The following SPMIP6 variants were observed in gnomAD, a reference collection of about 807,000 sequenced individuals.
The protein encoded by SPMIP6 is ciliated bronchial epithelial protein 1.
At chr9:34,397,628 G>A in the SPMIP6 span, 1 of 1,602,812 alleles carries the variant, frequency 6.2e-7, no homozygotes, top group African/African-American at 1.3e-5. Flanking sequence ...GGGAGAACAG[G>A]AACATGGTGT....
the SPMIP6 span, among the ~76,000 whole-genome samples, chr9:34,386,962 G>C: frequency 1.7e-4 from 26 of 152,298 alleles, no homozygotes; most frequent in Non-Finnish European, 1.0e-4. Context: ...GTCAGATAGG[G>C]CTTCTTCCTC....
the SPMIP6 span, among the ~76,000 whole-genome samples, chr9:34,389,633 G>C: frequency 6.6e-6 from 1 of 152,150 alleles, no homozygotes; most frequent in Admixed American, 6.5e-5. Context: ...GCCTGCCTCA[G>C]CCTCCTAAAG....
the SPMIP6 span, among the ~76,000 whole-genome samples, chr9:34,383,615 T>G: frequency 6.6e-6 from 1 of 152,178 alleles, no homozygotes; most frequent in East Asian, 1.9e-4. Flanking sequence ...CAGAAGACAA[T>G]ATAATGTCTT....
chr9:34,379,122 T>G, the SPMIP6 span: 1 of 1,613,870 alleles, frequency 6.2e-7, no homozygotes, highest in African/African-American at 1.3e-5. The surrounding 1 kb of genome is among the most constrained non-coding windows in gnomAD (Gnocchi z 4.2). Flanking sequence ...AAACTCAGGA[T>G]GGATAACATA....
At chr9:34,385,781 C>T in the SPMIP6 span, 2 of 1,612,116 alleles carry the variant, frequency 1.2e-6, no homozygotes, top group Non-Finnish European at 1.7e-6. Context: ...TGAGTCAGAC[C>T]CTGGGCAAGG....
the SPMIP6 span, among the ~76,000 whole-genome samples, chr9:34,383,353 G>T: frequency 6.6e-6 from 1 of 152,194 alleles, no homozygotes; most frequent in Non-Finnish European, 1.5e-5. Context: ...GCAAAATCCT[G>T]TCTCTACTAA....
At chr9:34,395,237 G>A in the SPMIP6 span, among the ~76,000 whole-genome samples, 1 of 152,026 alleles carries the variant, frequency 6.6e-6, no homozygotes, top group Non-Finnish European at 1.5e-5. Context: ...AAAGTGCTTG[G>A]ATTACTGGCC....
chr9:34,382,871 T>G, the SPMIP6 span: 3 of 1,588,492 alleles, frequency 1.9e-6, no homozygotes, highest in African/African-American at 4.0e-5. Flanking sequence ...ATTTGTCTGC[T>G]GGATAATAGG....
chr9:34,387,799 A>G, the SPMIP6 span, among the ~76,000 whole-genome samples: 2 of 152,338 alleles, frequency 1.3e-5, no homozygotes, highest in African/African-American at 4.8e-5. Flanking sequence ...GCATCACTGT[A>G]GGATGATCTC....
At chr9:34,381,676 T>C in the SPMIP6 span, 1 of 1,402,106 alleles carries the variant, frequency 7.1e-7, no homozygotes, top group Non-Finnish European at 9.3e-7. This position sits in a 1 kb window ranked among gnomAD's most constrained non-coding sequence, Gnocchi z 4.4. Flanking sequence ...GTTTGGCTCC[T>C]GGGCCTGTGA....
the SPMIP6 span, among the ~76,000 whole-genome samples, chr9:34,386,621 G>C: frequency 6.6e-6 from 1 of 150,928 alleles, no homozygotes; most frequent in African/African-American, 2.4e-5. Context: ...TTTCCTGACT[G>C]CAACCTGGCC....
the SPMIP6 span, chr9:34,390,022 A>T: frequency 2.9e-3 from 434 of 152,090 alleles, 2 homozygotes; most frequent in African/African-American, 9.7e-3. Context: ...TGAACAATCA[A>T]TTGAGATAAC....
chr9:34,387,842 T>C, the SPMIP6 span, among the ~76,000 whole-genome samples: 2 of 152,194 alleles, frequency 1.3e-5, no homozygotes, highest in South Asian at 2.1e-4. Context: ...CTAATGTCAA[T>C]ATCTGTAGGT....
the SPMIP6 span, chr9:34,390,080 A>G: frequency 6.6e-6 from 1 of 152,028 alleles, no homozygotes. Flanking sequence ...ATGCAGTTGT[A>G]TTATCTGCAA....
At chr9:34,381,335 C>G in the SPMIP6 span, 3 of 1,613,838 alleles carry the variant, frequency 1.9e-6, no homozygotes, top group Non-Finnish European at 2.5e-6. This position sits in a 1 kb window ranked among gnomAD's most constrained non-coding sequence, Gnocchi z 4.4. Flanking sequence ...CCCTCTCCAC[C>G]CGTTCTTTCC....
chr9:34,392,896 G>C, the SPMIP6 span, among the ~76,000 whole-genome samples: 1 of 152,252 alleles, frequency 6.6e-6, no homozygotes. This position sits in a 1 kb window ranked among gnomAD's most constrained non-coding sequence, Gnocchi z 4.6. Flanking sequence ...AGGAGATCCA[G>C]TGGGAGCTAG....
At chr9:34,386,179 C>T in the SPMIP6 span, among the ~76,000 whole-genome samples, 1 of 152,150 alleles carries the variant, frequency 6.6e-6, no homozygotes, top group Admixed American at 6.6e-5. Context: ...GCCCCAGTCT[C>T]AGAAAAGAGG....
At chr9:34,381,270 G>A in the SPMIP6 span, 5 of 1,594,440 alleles carry the variant, frequency 3.1e-6, no homozygotes, top group Non-Finnish European at 3.4e-6. The surrounding 1 kb of genome is among the most constrained non-coding windows in gnomAD (Gnocchi z 4.4). Flanking sequence ...CAGGACCCTC[G>A]GCCTCCTCCC....
At chr9:34,384,298 C>G in the SPMIP6 span, among the ~76,000 whole-genome samples, 1 of 152,084 alleles carries the variant, frequency 6.6e-6, no homozygotes, top group Non-Finnish European at 1.5e-5. Context: ...AATCAAATGG[C>G]CTTGGAGGAG....
Sources: allele counts gnomAD v4.1 joint callset (sites outside exome capture counted in the v4.1 genomes callset), GRCh38; gene constraint gnomAD v4.1.1; non-coding constraint Gnocchi (gnomAD v3.1); transcripts MANE v1.5; gene names NCBI Gene and HGNC (gene_info 2026-07-23, HGNC 2026-07-21).